NOS3: variants seen among roughly 807,000 people sequenced by gnomAD.
NOS3 encodes NOS type III.
In NOS3, 98 loss-of-function variants were observed where a neutral mutation model predicts 144.9. The observed-to-expected ratio is 0.68, with a 90% CI of 0.57 to 0.80. The LOEUF (loss-of-function observed/expected upper bound fraction) is 0.80. Ranked by LOEUF, NOS3 falls within the 30% of genes least tolerant of loss-of-function variation. NOS3 has a pLI of 0.00. For synonymous variants in NOS3, 714 were observed against 702.4 expected (o/e 1.02, Z -0.26); for missense variants, 1,465 against 1,656.4 (o/e 0.88, Z 2.01).
At chr7:150,995,093 C>G (rs1045094732) in intron 2 of NOS3, 110 bp from the exon 3 acceptor site, 1 of 601,910 alleles carries the variant, frequency 1.7e-6, no homozygotes, top group Non-Finnish European at 3.0e-6. Context: ...AGGCATGCGG[C>G]AGGTGGGCTG....
At chr7:151,001,777 G>T in intron 12 of NOS3, 44 bp from the exon 13 acceptor site, 3 of 1,612,184 alleles carry the variant, frequency 1.9e-6, no homozygotes, top group Non-Finnish European at 2.5e-6. Flanking sequence ...GGGAGGCCCT[G>T]CCTCTGTGCA....
intron 25 of NOS3, 39 bp from the exon 26 acceptor site, chr7:151,013,678 CGCGCCCA>C: frequency 9.6e-6 from 14 of 1,451,792 alleles, no homozygotes; most frequent in Non-Finnish European, 1.3e-5. Flanking sequence ...GCTGCGCCCC[CGCGCCCA>C]CCCCCACCAG....
chr7:151,008,530 T>G (rs146829069), intron 17 of NOS3, among the ~76,000 whole-genome samples: 1 of 152,286 alleles, frequency 6.6e-6, no homozygotes, highest in African/African-American at 2.4e-5. Flanking sequence ...AGTATCTCAT[T>G]TAATCTTCAC....
Position 151,003,140 on chromosome 7 carries a change from CT to C in NOS3, c.1752+839del, listed in dbSNP as rs755429598. The C allele has an allele frequency of 5.8e-5, 26 of 444,816 alleles. No homozygotes were observed. The highest frequency in any genetic ancestry group is 1.0e-4 in the Non-Finnish European group (23 of 223,978). The allele number at this position is 444,816 out of a possible 1,614,324, so 27.6% of individuals were successfully genotyped here. A position where few individuals can be genotyped will look rare whatever the true frequency, so the allele number is the denominator to read the frequency against. On this transcript the variant is annotated intron_variant, in intron 14 of 26. Coordinates refer to ENST00000297494, the MANE Select transcript of NOS3 (RefSeq NM_000603.5). This position sits in a 1 kb window ranked among gnomAD's most constrained non-coding sequence, Gnocchi z 4.1. ...CCTCAGTACTCTTTTTTCTTTTTTC[CT>C]TTGAGACAGGGTCTCACTTTGTGGC...
chr7:151,012,251 T>G, intron 23 of NOS3, 100 bp from the exon 24 acceptor site: 1 of 962,744 alleles, frequency 1.0e-6, no homozygotes, highest in Non-Finnish European at 1.5e-6. Flanking sequence ...TTTTTTGAGA[T>G]GGGAAGAACT....
intron 3 of NOS3, 50 bp downstream of exon 3, chr7:150,995,364 A>G: frequency 7.6e-7 from 1 of 1,312,288 alleles, no homozygotes; most frequent in Non-Finnish European, 1.1e-6. Flanking sequence ...AGGGTGGGTA[A>G]GGCCTGGCCT....
intron 24 of NOS3, 147 bp downstream of exon 24, chr7:151,012,619 C>G (rs1474915095): frequency 5.1e-6 from 5 of 987,064 alleles, no homozygotes; most frequent in African/African-American, 1.6e-5. Flanking sequence ...AAGGGGAGGG[C>G]AGGTACCAAA....
Position 150,996,420 on chromosome 7 carries a change from C to G in NOS3, c.287C>G (p.Pro96Arg). 1 of 1,539,614 alleles carries G rather than the reference C, an allele frequency of 6.5e-7. No homozygotes were observed. The highest frequency in any genetic ancestry group is 8.7e-7 in the Non-Finnish European group (1 of 1,145,604). The change falls in exon 4 of 27, where the codon CCA becomes CGA. Residue 96 changes from proline to arginine, a missense_variant. Coordinates refer to ENST00000297494, the MANE Select transcript of NOS3 (RefSeq NM_000603.5). ...TCGACCCAGGATGGGCCCTGCACCC[C>G]AAGACGCTGCCTGGGCTCCCTGGTA... is the stretch of plus-strand genomic sequence containing the variant. ...AQAQQDGPCT[P>R]RRCLGSLVFP...
chr7:151,008,097 G>A (rs984545200), intron 17 of NOS3, among the ~76,000 whole-genome samples: 2 of 152,052 alleles, frequency 1.3e-5, no homozygotes, highest in East Asian at 1.9e-4. Flanking sequence ...CCATTGCAGC[G>A]GGATGAGACC....
At chr7:151,009,112 C>A (rs759617873) in intron 18 of NOS3, 50 bp downstream of exon 18, 41 of 1,613,102 alleles carry the variant, frequency 2.5e-5, no homozygotes, top group Non-Finnish European at 3.1e-5. Flanking sequence ...GGCCCCCACA[C>A]CCCGGGACTA....
At chr7:151,000,440 C>T in intron 9 of NOS3, 58 bp from the exon 10 acceptor site, 2 of 1,087,532 alleles carry the variant, frequency 1.8e-6, no homozygotes, top group Middle Eastern at 2.0e-4. Context: ...ATAGTCTCCC[C>T]ACCCCACCCC....
intron 14 of NOS3, among the ~76,000 whole-genome samples, chr7:151,004,091 C>T (rs766290380): frequency 3.3e-5 from 5 of 152,218 alleles, no homozygotes; most frequent in Non-Finnish European, 5.9e-5. Context: ...GATCCCAGCA[C>T]TTTGGGAGGC....
Position 150,998,317 on chromosome 7 carries a change from C to A in NOS3, c.583-40C>A. On this transcript the variant is annotated intron_variant, in intron 5 of 26. Transcript: ENST00000297494. This position sits in a 1 kb window ranked among gnomAD's most constrained non-coding sequence, Gnocchi z 5.0. ...AGCTGATACTCAAGACCCCCCGTCT[C>A]TCTCCTCACCCTCCTCTCCCGCTGC... 1.3e-6 allele frequency: 2 copies of A among 1,583,452 alleles called. No homozygotes were observed. The highest frequency in any genetic ancestry group is 1.7e-6 in the Non-Finnish European group (2 of 1,160,390).
rs1416351326 is a variant in NOS3 at position 150,998,755 on chromosome 7, G to A, written c.816+75G>A. Reference sequence around the variant, plus strand: ...GAAACCAGTGGGAGAAGGCTCGGGGGATCCAGGCAGGAAGAGGGGAGCCTC... The same window carrying A: ...GAAACCAGTGGGAGAAGGCTCGGGGAATCCAGGCAGGAAGAGGGGAGCCTC... On this transcript the variant is annotated intron_variant, in intron 7 of 26. Transcript: ENST00000297494. The surrounding 1 kb of genome is among the most constrained non-coding windows in gnomAD (Gnocchi z 5.0). 5.9e-6 allele frequency: 9 copies of A among 1,533,084 alleles called. No homozygotes were observed. In the African/African-American group the frequency reaches 9.5e-5, roughly 16 times the overall value. The allele number at this position is 1,533,084 out of a possible 1,614,324, so 95.0% of individuals were successfully genotyped here. A position where few individuals can be genotyped will look rare whatever the true frequency, so the allele number is the denominator to read the frequency against.
Position 151,003,429 on chromosome 7 carries a change from A to G in NOS3, c.1752+1125A>G, listed in dbSNP as rs1763779997. 3 of 1,218,006 alleles carry G rather than the reference A, an allele frequency of 2.5e-6. No homozygotes were observed. The highest frequency in any genetic ancestry group is 5.8e-5 in the East Asian group (1 of 17,288). 75.4% of individuals were successfully genotyped at this position (1,218,006 alleles called of 1,614,324 possible). ...ACGTGAGCCACTGCACCTGGCCCTC[A>G]GTATCTTAAGCAAGTTGGAATCTCG... is the stretch of plus-strand genomic sequence containing the variant. On this transcript the variant is annotated intron_variant, in intron 14 of 26. Coordinates refer to ENST00000297494, the MANE Select transcript of NOS3 (RefSeq NM_000603.5). The surrounding 1 kb of genome is among the most constrained non-coding windows in gnomAD (Gnocchi z 4.1).
intron 2 of NOS3, among the ~76,000 whole-genome samples, chr7:150,994,810 C>T (rs117197062): frequency 1.1e-4 from 16 of 152,258 alleles, no homozygotes; most frequent in East Asian, 9.7e-4. Context: ...GTTGTGAGTG[C>T]GGAGGGAAAT....
At chr7:150,999,667 T>C (rs1318491185) in intron 9 of NOS3, among the ~76,000 whole-genome samples, 33 of 111,140 alleles carry the variant, frequency 3.0e-4, no homozygotes, top group Non-Finnish European at 1.1e-4. Context: ...TAGGGGTGGG[T>C]GAGTGTGGGT....
chr7:150,997,076 C>T, intron 5 of NOS3, 151 bp downstream of exon 5: 1 of 982,120 alleles, frequency 1.0e-6, no homozygotes, highest in Non-Finnish European at 1.5e-6. Context: ...GGTAGGGGGA[C>T]TGCCCCACCC....
Position 150,993,645 on chromosome 7 carries a change from C to T in NOS3, c.-51-108C>T, listed in dbSNP as rs770773132. On this transcript the variant is annotated intron_variant, in intron 1 of 26. Coordinates refer to ENST00000297494, the MANE Select transcript of NOS3 (RefSeq NM_000603.5). The surrounding 1 kb of genome is among the most constrained non-coding windows in gnomAD (Gnocchi z 4.0). ...AGCTGAGGCTTTAGAGCCTCCCAGC[C>T]GGGCTTGTTCCTGTCCCATTGTGTA... 12 of 692,064 alleles carry T rather than the reference C, an allele frequency of 1.7e-5. No homozygotes were observed. The highest frequency in any genetic ancestry group is 4.5e-5 in the South Asian group (2 of 44,550). The allele number at this position is 692,064 out of a possible 1,614,324, so 42.9% of individuals were successfully genotyped here.
Sources: gnomAD v4.1 joint callset for allele counts (sites outside exome capture counted in the v4.1 genomes callset) on GRCh38, gnomAD v4.1.1 for gene constraint, Gnocchi (gnomAD v3.1) non-coding constraint, MANE v1.5 for transcripts, NCBI Gene and HGNC (gene_info 2026-07-23, HGNC 2026-07-21) for gene names.